Variants in MCPH1 observed in about 807,000 individuals in gnomAD.
MCPH1 encodes the protein microcephalin 1.
Under a neutral mutation model 84.5 loss-of-function variants are expected in MCPH1, and 104 were observed. The ratio of observed to expected loss-of-function variants is 1.23; its 90% confidence interval spans 1.05 to 1.45. The LOEUF is 1.45. Ranked by LOEUF, MCPH1 falls within the 40% of genes most tolerant of loss-of-function variation. The pLI, the probability that MCPH1 is intolerant of heterozygous loss-of-function variation, is 0.00. For synonymous variants in MCPH1, 514 were observed against 366.8 expected (o/e 1.40, Z -4.58); for missense variants, 1,498 against 1,005.7 (o/e 1.49, Z -6.62).
At chr8:6,623,890 A>G (rs11784637) in intron 13 of MCPH1, among the ~76,000 whole-genome samples, 13,637 of 152,228 alleles carry the variant, frequency 0.09, 1,144 homozygotes, top group East Asian at 0.37. Flanking sequence ...TGGGCCTGAA[A>G]GCATGTCTGG....
At chr8:6,518,784 T>C (rs1352035615) in intron 12 of MCPH1, among the ~76,000 whole-genome samples, 1 of 152,210 alleles carries the variant, frequency 6.6e-6, no homozygotes, top group African/African-American at 2.4e-5. Context: ...GCAAACATAT[T>C]TATAGACATT....
At chr8:6,578,144 G>A (rs773013214) in intron 12 of MCPH1, among the ~76,000 whole-genome samples, 2 of 152,154 alleles carry the variant, frequency 1.3e-5, no homozygotes, top group Non-Finnish European at 2.9e-5. Context: ...CGACTGTCCC[G>A]ATGGGCATTT....
chr8:6,642,530 C>A, intron 13 of MCPH1: 2 of 182,484 alleles, frequency 1.1e-5, no homozygotes, highest in African/African-American at 2.3e-5. Context: ...TAAAAAATAC[C>A]TATGCTGGGT....
intron 9 of MCPH1, among the ~76,000 whole-genome samples, chr8:6,466,054 A>T (rs969409343): frequency 4.0e-5 from 6 of 150,920 alleles, no homozygotes; most frequent in African/African-American, 1.5e-4. Flanking sequence ...TCCCCAGTTC[A>T]AGTGATTCTT....
intron 12 of MCPH1, among the ~76,000 whole-genome samples, chr8:6,528,544 A>G (rs187099794): frequency 6.9e-4 from 105 of 152,300 alleles, no homozygotes; most frequent in African/African-American, 2.4e-3. Flanking sequence ...GTTTGAACCA[A>G]TCGAAGCCGT....
chr8:6,451,858 C>T (rs1160799148), intron 8 of MCPH1, among the ~76,000 whole-genome samples: 4 of 152,178 alleles, frequency 2.6e-5, no homozygotes, highest in African/African-American at 7.2e-5. Context: ...ATGGATTATT[C>T]AGCCTTCAGA....
intron 9 of MCPH1, among the ~76,000 whole-genome samples, chr8:6,457,645 A>G (rs1344194795): frequency 2.0e-5 from 3 of 152,100 alleles, no homozygotes; most frequent in Admixed American, 6.5e-5. Context: ...GCCCCACCTG[A>G]GACCCTCCTG....
chr8:6,419,393 A>AGT (rs113136433), intron 3 of MCPH1, among the ~76,000 whole-genome samples: 68 of 150,408 alleles, frequency 4.5e-4, no homozygotes, highest in Middle Eastern at 3.4e-3. Flanking sequence ...GCCATTAAAA[A>AGT]ATTTTTTTTT....
At position 6,513,794 on chromosome 8, in the gene MCPH1, C is replaced by T. The variant is rs200777464; in HGVS notation, c.2214+13865C>T. 104 of 1,613,786 alleles carry T rather than the reference C, an allele frequency of 6.4e-5. No individual in the cohort carries two copies. The highest frequency in any genetic ancestry group is 1.2e-4 in the Admixed American group (7 of 59,978). ...CATAGCGTTGCTGATTAGTCAGTTG[C>T]GAAACAAACTCATTTCCCAGCCAAT... On this transcript the variant is annotated intron_variant, in intron 12 of 13. Coordinates refer to ENST00000344683, the MANE Select transcript of MCPH1 (RefSeq NM_024596.5).
intron 12 of MCPH1, among the ~76,000 whole-genome samples, chr8:6,565,121 G>T (rs1326155226): frequency 1.3e-5 from 2 of 152,232 alleles, no homozygotes; most frequent in African/African-American, 2.4e-5. Flanking sequence ...CCCTGCTTCT[G>T]TGTGACCTCC....
intron 12 of MCPH1, among the ~76,000 whole-genome samples, chr8:6,580,452 C>G (rs1382850570): frequency 2.6e-5 from 4 of 152,094 alleles, no homozygotes; most frequent in Non-Finnish European, 4.4e-5. Context: ...GCCAGGAGTT[C>G]AAGACCAGCC....
At chr8:6,422,738 G>T (rs1284147927) in intron 3 of MCPH1, among the ~76,000 whole-genome samples, 3 of 152,136 alleles carry the variant, frequency 2.0e-5, no homozygotes, top group Admixed American at 2.0e-4. Flanking sequence ...GCCCAAGCTG[G>T]AGTGCAGTGG....
At chr8:6,427,790 A>G (rs910615178) in intron 3 of MCPH1, among the ~76,000 whole-genome samples, 1 of 60,846 alleles carries the variant, frequency 1.6e-5, no homozygotes, top group African/African-American at 5.2e-5. Flanking sequence ...AGTAGTTATT[A>G]TACTGTTTTT....
At chr8:6,523,336 T>G (rs147906475) in intron 12 of MCPH1, among the ~76,000 whole-genome samples, 138 of 152,226 alleles carry the variant, frequency 9.1e-4, no homozygotes, top group African/African-American at 3.3e-3. Context: ...CTGGTAAAAT[T>G]ATGCCATGTA....
Position 6,646,539 on chromosome 8 carries a change from A to C in MCPH1, c.*3490A>C, listed in dbSNP as rs1043086824. The C allele has an allele frequency of 1.3e-5, 2 of 152,204 alleles. No individual in the cohort carries two copies. Among genetic ancestry groups the C allele is most frequent in the African/African-American group, 4.8e-5 (2 of 41,452 alleles). The allele number at this position is 152,204 out of a possible 1,614,324, so 9.4% of individuals were successfully genotyped here. On this transcript the variant is annotated 3_prime_UTR_variant, in exon 14 of 14. Coordinates refer to ENST00000344683, the MANE Select transcript of MCPH1 (RefSeq NM_024596.5). ...TCTTTTCAACAAATGGTGCTGGCAG[A>C]AGAAAAAAAAAGTACTTGGATCCTT...
chr8:6,542,905 T>C (rs73507154), intron 12 of MCPH1, among the ~76,000 whole-genome samples: 2,334 of 152,340 alleles, frequency 0.015, 66 homozygotes, highest in African/African-American at 0.052. Context: ...TAAATTTAGA[T>C]AATTTTCTAG....
chr8:6,458,390 T>G (rs762949438), intron 9 of MCPH1, among the ~76,000 whole-genome samples: 1 of 149,420 alleles, frequency 6.7e-6, no homozygotes, highest in Non-Finnish European at 1.5e-5. Context: ...GAGAATGGCA[T>G]GAACCCGGGA....
At chr8:6,578,343 A>C (rs531647267) in intron 12 of MCPH1, among the ~76,000 whole-genome samples, 1 of 152,346 alleles carries the variant, frequency 6.6e-6, no homozygotes, top group East Asian at 1.9e-4. Flanking sequence ...AAAACAACAA[A>C]GCTTGAAGCC....
At chr8:6,420,590 C>T (rs747318850) in intron 3 of MCPH1, among the ~76,000 whole-genome samples, 12 of 152,062 alleles carry the variant, frequency 7.9e-5, no homozygotes, top group Non-Finnish European at 1.5e-4. Flanking sequence ...TTCTCTACCT[C>T]ATCTTCTTAT....
Sources: allele counts gnomAD v4.1 joint callset (sites outside exome capture counted in the v4.1 genomes callset), GRCh38; gene constraint gnomAD v4.1.1; transcripts MANE v1.5; gene names NCBI Gene and HGNC (gene_info 2026-07-23, HGNC 2026-07-21).